NTNG2: variants seen among roughly 807,000 people sequenced by gnomAD.
NTNG2 encodes the protein netrin-G2.
A neutral mutation model predicts 47.6 loss-of-function variants in NTNG2; 15 were observed. That is an observed-to-expected ratio of 0.32 (90% confidence interval 0.21 to 0.49). The LOEUF is 0.49. Among genes scored for constraint, NTNG2 ranks in the 20% least tolerant of loss-of-function variants. The probability of loss-of-function intolerance (pLI) is 0.99; values close to 1 mark genes in which losing one functional copy is unlikely to be tolerated. For missense variants in NTNG2, 578 were observed against 764.6 expected, an observed-to-expected ratio of 0.76 and a Z score of 2.88; for synonymous variants, 307 against 324.6, an observed-to-expected ratio of 0.95 and a Z score of 0.58.
chr9:132,193,784 G>T (rs568187244), intron 2 of NTNG2, among the ~76,000 whole-genome samples: 2 of 152,144 alleles, frequency 1.3e-5, no homozygotes, highest in Non-Finnish European at 2.9e-5. Flanking sequence ...ACGAGACCCA[G>T]GTGGCTTAAA....
intron 2 of NTNG2, among the ~76,000 whole-genome samples, chr9:132,179,166 C>A (rs1347689457): frequency 6.6e-6 from 1 of 152,196 alleles, no homozygotes; most frequent in Non-Finnish European, 1.5e-5. Context: ...CCAACCAGGT[C>A]TCTGTCCATC....
At chr9:132,216,381 CCTCTCTCTCTCTCTCTCT>C (rs1199246893) in intron 3 of NTNG2, among the ~76,000 whole-genome samples, 1 of 120,886 alleles carries the variant, frequency 8.3e-6, no homozygotes, top group Non-Finnish European at 1.6e-5. Context: ...GCTGACTCAG[CCTCTCTCTCTCTCTCTCT>C]CTCTCTCTCT....
intron 6 of NTNG2, chr9:132,240,575 C>T (rs1841913214): frequency 4.7e-6 from 2 of 426,060 alleles, no homozygotes; most frequent in African/African-American, 2.0e-5. Flanking sequence ...TGCCACCTGT[C>T]GGAGTCATAG....
At chr9:132,204,446 G>A (rs757641281) in intron 3 of NTNG2, among the ~76,000 whole-genome samples, 22 of 152,158 alleles carry the variant, frequency 1.4e-4, no homozygotes, top group East Asian at 1.9e-4. Context: ...ACCATGGAGG[G>A]TGGGCAGGTG....
rs1473456818 is a variant in NTNG2, at chr9:132,226,711, G to A, written c.858-138G>A. 3.1e-6 allele frequency: 2 copies of A among 646,778 alleles called. No homozygotes were observed. The highest frequency in any genetic ancestry group is 5.0e-6 in the Non-Finnish European group (2 of 401,110). The allele number at this position is 646,778 out of a possible 1,614,324, so 40.1% of individuals were successfully genotyped here. ...AAGGAGTTTCTGGCCTAAAGGTTGGGCTGGTGGCCTCCAGGGTTTCTTCCT... is the reference window on the plus strand; with the variant it reads ...AAGGAGTTTCTGGCCTAAAGGTTGGACTGGTGGCCTCCAGGGTTTCTTCCT... On this transcript the variant is annotated intron_variant, in intron 3 of 7. Transcript: ENST00000393229. The surrounding 1 kb of genome is among the most constrained non-coding windows in gnomAD (Gnocchi z 4.8).
upstream of NTNG2, chr9:132,161,958 GGCGGGCGAT>G (rs1277766634): frequency 2.0e-5 from 3 of 150,716 alleles, no homozygotes; most frequent in African/African-American, 7.3e-5. The surrounding 1 kb of genome is among the most constrained non-coding windows in gnomAD (Gnocchi z 7.2). Flanking sequence ...GCTCAGCCCG[GGCGGGCGAT>G]GCGGGCGGCG....
intron 2 of NTNG2, among the ~76,000 whole-genome samples, chr9:132,184,401 G>A (rs1371867494): frequency 1.3e-5 from 2 of 152,232 alleles, no homozygotes; most frequent in African/African-American, 4.8e-5. Context: ...CACACAGTGG[G>A]GAGGGGACAC....
At position 132,215,818 on chromosome 9, in the gene NTNG2, T is replaced by C. The variant is rs1056428500; in HGVS notation, c.858-11031T>C. On this transcript the variant is annotated intron_variant, in intron 3 of 7. Transcript: ENST00000393229. The surrounding 1 kb of genome is among the most constrained non-coding windows in gnomAD (Gnocchi z 4.2). Reference sequence around the variant, plus strand: ...CCTCAGGGCTGCCAGGTAAGGCCGATCTTGGCACCTGGGAGCCCATGTACT... The same window carrying C: ...CCTCAGGGCTGCCAGGTAAGGCCGACCTTGGCACCTGGGAGCCCATGTACT... Among the ~76,000 whole-genome samples the C allele has an allele frequency of 6.6e-6, 1 of 152,100 alleles. No homozygotes were observed. Among genetic ancestry groups the C allele is most frequent in the African/African-American group, 2.4e-5 (1 of 41,398 alleles).
chr9:132,230,473 C>T (rs553058635), intron 4 of NTNG2, 99 bp from the exon 5 acceptor site: 12 of 1,122,808 alleles, frequency 1.1e-5, no homozygotes, highest in South Asian at 8.0e-5. Context: ...GGAGCGACAC[C>T]TCCAGGTGCT....
In NTNG2 at chr9:132,177,173, G is replaced by C. The variant is rs1836525094; in HGVS notation, c.213+10129G>C. 2.0e-5 allele frequency among the ~76,000 whole-genome samples: 3 copies of C among 152,182 alleles called. No individual in the cohort carries two copies. The South Asian group carries it at 6.2e-4, about 32-fold the overall frequency. On this transcript the variant is annotated intron_variant, in intron 2 of 7. Transcript: ENST00000393229. The stretch of plus-strand genomic sequence containing the variant: ...ACCTAATTTTTGTGTTTTTAGTAGA[G>C]ACAGGGTTTCACCATGTTGCCCAGG...
chr9:132,203,624 C>T (rs1169324446), intron 3 of NTNG2, among the ~76,000 whole-genome samples: 1 of 152,216 alleles, frequency 6.6e-6, no homozygotes, highest in South Asian at 2.1e-4. Context: ...CAAAATACCC[C>T]TGCAGCCCAG....
rs963669934 is a variant in NTNG2 at position 132,197,046 on chromosome 9, G to A, written c.214-920G>A. On this transcript the variant is annotated intron_variant, in intron 2 of 7. Transcript: ENST00000393229. This position sits in a 1 kb window ranked among gnomAD's most constrained non-coding sequence, Gnocchi z 4.3. The stretch of plus-strand genomic sequence containing the variant: ...ATCGGGGAGAGACCCAGAGCTTCCA[G>A]GCCCTCTTTGAGCACCTCAATGTGT... Among the ~76,000 whole-genome samples the A allele has an allele frequency of 1.3e-5, 2 of 152,186 alleles. No homozygotes were observed. Among genetic ancestry groups the A allele is most frequent in the Non-Finnish European group, 2.9e-5 (2 of 68,028 alleles).
rs1214004542 is a variant in NTNG2, at chr9:132,163,033, C to T, written c.-484+794C>T. ...GCCGGGTCGCCACAGGCGGCAGCGCCGGGGCAAAGGATACAGCCAGTTCCT... is the reference window on the plus strand; with the variant it reads ...GCCGGGTCGCCACAGGCGGCAGCGCTGGGGCAAAGGATACAGCCAGTTCCT... On this transcript the variant is annotated intron_variant, in intron 1 of 7. Transcript: ENST00000393229. This position sits in a 1 kb window ranked among gnomAD's most constrained non-coding sequence, Gnocchi z 7.2. Among the ~76,000 whole-genome samples the T allele has an allele frequency of 6.6e-6, 1 of 152,016 alleles. No homozygotes were observed. Among genetic ancestry groups the T allele is most frequent in the Non-Finnish European group, 1.5e-5 (1 of 67,972 alleles).
At chr9:132,204,723 C>T (rs1839037140) in intron 3 of NTNG2, among the ~76,000 whole-genome samples, 1 of 152,144 alleles carries the variant, frequency 6.6e-6, no homozygotes, top group Non-Finnish European at 1.5e-5. Flanking sequence ...TAAGTCCTAT[C>T]CTGTGAGGAT....
At chr9:132,202,994 G>T (rs1188630610) in intron 3 of NTNG2, among the ~76,000 whole-genome samples, 1 of 152,164 alleles carries the variant, frequency 6.6e-6, no homozygotes, top group African/African-American at 2.4e-5. Context: ...TATATTCAAA[G>T]AGCTTATCCC....
intron 3 of NTNG2, among the ~76,000 whole-genome samples, chr9:132,212,984 C>G (rs186896530): frequency 6.6e-6 from 1 of 152,100 alleles, no homozygotes; most frequent in Non-Finnish European, 1.5e-5. Context: ...GACGTCTTGA[C>G]TCAGGCCTGG....
At chr9:132,211,939 G>T (rs1022088038) in intron 3 of NTNG2, among the ~76,000 whole-genome samples, 2 of 152,184 alleles carry the variant, frequency 1.3e-5, no homozygotes, top group Non-Finnish European at 2.9e-5. Flanking sequence ...CAGTCAGTCA[G>T]TCATTCATTT....
At position 132,242,019 on chromosome 9, in the gene NTNG2, G is replaced by A. The variant is rs745791092; in HGVS notation, c.1501G>A (p.Asp501Asn). 79 of 1,358,770 alleles carry A rather than the reference G, an allele frequency of 5.8e-5. No homozygotes were observed. Among genetic ancestry groups the A allele is most frequent in the Admixed American group, 4.0e-4 (11 of 27,782 alleles). 84.2% of individuals were successfully genotyped at this position (1,358,770 alleles called of 1,614,324 possible). Residue 501 changes from aspartate (D) to asparagine (N), a missense_variant, in exon 8 of 8, where the codon GAC becomes AAC. Physicochemically the swap from Asp to Asn is conservative, Grantham distance 23. Transcript: ENST00000393229. The surrounding 1 kb of genome is among the most constrained non-coding windows in gnomAD (Gnocchi z 5.9). ...CDPADDDGGL[D>N]CDRAPGAAPR... ...CCCCGCCGACGATGACGGCGGTCTG[G>A]ACTGCGACCGCGCGCCCGGGGCCGC...
At chr9:132,241,423 G>GGGGC in intron 7 of NTNG2, 1 of 347,914 alleles carries the variant, frequency 2.9e-6, no homozygotes, top group African/African-American at 2.2e-5. Context: ...CCAAGAGCTC[G>GGGGC]GGGCGGGGCC....
Sources: gnomAD v4.1 joint callset for allele counts (sites outside exome capture counted in the v4.1 genomes callset) on GRCh38, gnomAD v4.1.1 for gene constraint, Gnocchi (gnomAD v3.1) non-coding constraint, MANE v1.5 for transcripts, NCBI Gene and HGNC (gene_info 2026-07-23, HGNC 2026-07-21) for gene names.